TCF12: variants seen among roughly 807,000 people sequenced by gnomAD.
TCF12 encodes the protein transcription factor 12.
Under a neutral mutation model 86.0 loss-of-function variants are expected in TCF12, and 45 were observed. That is an observed-to-expected ratio of 0.52 (90% CI 0.41 to 0.67). TCF12 has a LOEUF of 0.67. Ranked by LOEUF, TCF12 falls within the 30% of genes least tolerant of loss-of-function variation. The pLI, the probability that TCF12 is intolerant of heterozygous loss-of-function variation, is 0.00. For synonymous variants in TCF12, 330 were observed against 299.6 expected, an observed-to-expected ratio of 1.10 and a Z score of -1.05; for missense variants, 881 against 859.9, an observed-to-expected ratio of 1.02 and a Z score of -0.31.
chr15:57,189,678 G>C (rs2056878983), intron 6 of TCF12, among the ~76,000 whole-genome samples: 1 of 152,170 alleles, frequency 6.6e-6, no homozygotes, highest in South Asian at 2.1e-4. Context: ...CAGTTTGGCA[G>C]TTCCTCAAAA....
At chr15:57,158,006 C>T (rs2054234413) in intron 5 of TCF12, among the ~76,000 whole-genome samples, 1 of 151,598 alleles carries the variant, frequency 6.6e-6, no homozygotes, top group Non-Finnish European at 1.5e-5. Flanking sequence ...TCTGGCCATT[C>T]TAATGATGGA....
intron 17 of TCF12, 122 bp from the exon 18 acceptor site, chr15:57,262,990 C>T: frequency 1.0e-6 from 1 of 981,256 alleles, no homozygotes; most frequent in African/African-American, 1.7e-5. Flanking sequence ...CATCTTCAAA[C>T]CTCCATCATA....
intron 3 of TCF12, among the ~76,000 whole-genome samples, chr15:56,976,823 A>C (rs1276295636): frequency 6.6e-6 from 1 of 152,230 alleles, no homozygotes; most frequent in African/African-American, 2.4e-5. Context: ...CTTTGCTGTT[A>C]GTAGCAAGAA....
rs760450939 is a variant in TCF12, at chr15:57,287,922, A to C, written c.*1777A>C. The C allele has an allele frequency of 6.6e-6, 1 of 152,662 alleles. No individual in the cohort carries two copies. Among genetic ancestry groups the C allele is most frequent in the African/African-American group, 2.4e-5 (1 of 41,466 alleles). The allele number at this position is 152,662 out of a possible 1,614,324, so 9.5% of individuals were successfully genotyped here. ...TGTTGCTTATGATGTGTGAGTGAAC[A>C]TATGCCACTGCCTGGCCTTTTTTTC... is the stretch of plus-strand genomic sequence containing the variant. On this transcript the variant is annotated 3_prime_UTR_variant, in exon 21 of 21. Coordinates refer to ENST00000333725, the MANE Select transcript of TCF12 (RefSeq NM_207037.2).
At chr15:56,956,223 T>C (rs1284198445) in intron 3 of TCF12, among the ~76,000 whole-genome samples, 1 of 151,986 alleles carries the variant, frequency 6.6e-6, no homozygotes, top group Non-Finnish European at 1.5e-5. Context: ...ATTATTGATA[T>C]GACTGTGTTT....
At chr15:56,970,385 C>T (rs965386678) in intron 3 of TCF12, among the ~76,000 whole-genome samples, 2 of 146,856 alleles carry the variant, frequency 1.4e-5, no homozygotes, top group Admixed American at 1.4e-4. Flanking sequence ...GAGGTTGATG[C>T]AGGAGAATTG....
chr15:57,044,283 C>T (rs1340196719), intron 3 of TCF12, among the ~76,000 whole-genome samples: 14 of 152,004 alleles, frequency 9.2e-5, no homozygotes, highest in Admixed American at 8.5e-4. Context: ...ATTTACCAGC[C>T]GGGCACAGTG....
intron 8 of TCF12, among the ~76,000 whole-genome samples, chr15:57,198,517 T>C (rs1353419668): frequency 1.3e-5 from 2 of 152,194 alleles, no homozygotes; most frequent in Non-Finnish European, 2.9e-5. Flanking sequence ...AATCTAATAC[T>C]GTAGGGGCGA....
rs180895892 is a variant in TCF12 at position 57,135,886 on chromosome 15, C to A, written c.326-30516C>A. Among the ~76,000 whole-genome samples, 11 of 151,206 alleles carry A rather than the reference C, an allele frequency of 7.3e-5. No individual in the cohort carries two copies. In the East Asian group the frequency reaches 2.1e-3, roughly 29 times the overall value. On this transcript the variant is annotated intron_variant, in intron 5 of 20. Coordinates refer to ENST00000333725, the MANE Select transcript of TCF12 (RefSeq NM_207037.2). ...TGCTTAAATACATTGTTGTTAAGAA[C>A]TGACATCTATTCTAGCTGTGTTAGA...
Position 57,273,009 on chromosome 15 carries a change from T to C in TCF12, c.1746-21T>C, listed in dbSNP as rs769089533. ...ACTTTATAGGAAACCTAATAGACCT[T>C]GTTGTTACTTTATTTTCTAGCAGTA... On this transcript the variant is annotated intron_variant, in intron 18 of 20. Transcript: ENST00000333725. 3 of 1,608,642 alleles carry C rather than the reference T, an allele frequency of 1.9e-6. 1 individual carries two copies. The highest frequency in any genetic ancestry group is 1.7e-5 in the Admixed American group (1 of 59,774).
chr15:57,277,502 G>T (rs762719120), intron 19 of TCF12, among the ~76,000 whole-genome samples: 1 of 151,632 alleles, frequency 6.6e-6, no homozygotes, highest in Non-Finnish European at 1.5e-5. Flanking sequence ...GGTGGCGTGC[G>T]CAAGTAGTCC....
chr15:57,192,346 C>T (rs2151711884), intron 7 of TCF12, 53 bp downstream of exon 7: 1 of 1,593,996 alleles, frequency 6.3e-7, no homozygotes, highest in Non-Finnish European at 8.6e-7. Context: ...GTTGTTTTTT[C>T]CTCCCATAAT....
At chr15:57,047,267 T>A (rs1354937683) in intron 3 of TCF12, among the ~76,000 whole-genome samples, 2 of 152,246 alleles carry the variant, frequency 1.3e-5, no homozygotes, top group African/African-American at 4.8e-5. Flanking sequence ...CAAGTTACTT[T>A]ATCATAGATG....
intron 6 of TCF12, among the ~76,000 whole-genome samples, chr15:57,171,126 G>A (rs1452103100): frequency 6.6e-6 from 1 of 151,622 alleles, no homozygotes; most frequent in Non-Finnish European, 1.5e-5. Context: ...GAGAGATCAG[G>A]AAGGCCTATG....
rs372419363 is a variant in TCF12 at position 57,124,468 on chromosome 15, G to C, written c.325+32577G>C. Among the ~76,000 whole-genome samples the C allele has an allele frequency of 3.3e-5, 5 of 152,006 alleles. No individual in the cohort carries two copies. The East Asian group carries it at 9.7e-4, about 29-fold the overall frequency. On this transcript the variant is annotated intron_variant, in intron 5 of 20. Coordinates refer to ENST00000333725, the MANE Select transcript of TCF12 (RefSeq NM_207037.2). ...GACTTCACCTTGGCCAGCATGATGG[G>C]GGCCTTCTTCATGGATCCGATTGAA... is the stretch of plus-strand genomic sequence containing the variant.
At chr15:57,079,488 A>G (rs542974471) in intron 4 of TCF12, among the ~76,000 whole-genome samples, 3 of 152,174 alleles carry the variant, frequency 2.0e-5, no homozygotes, top group Non-Finnish European at 4.4e-5. Context: ...ATGGAGTGGA[A>G]CAGTACTTTT....
rs149630235 is a variant in TCF12 at position 57,235,245 on chromosome 15, G to A, written c.1035+1138G>A. Among the ~76,000 whole-genome samples, 413 of 152,212 alleles carry A rather than the reference G, an allele frequency of 2.7e-3. 2 individuals are homozygous for A. The highest frequency in any genetic ancestry group is 8.9e-3 in the African/African-American group (369 of 41,512). On this transcript the variant is annotated intron_variant, in intron 12 of 20. Transcript: ENST00000333725. ...AATATTTCAGCTATAATTTGAATGC[G>A]CACCTATACTGAGCATTTACATGCC...
chr15:57,044,274 T>TG (rs2067083093), intron 3 of TCF12, among the ~76,000 whole-genome samples: 1 of 152,184 alleles, frequency 6.6e-6, no homozygotes, highest in East Asian at 1.9e-4. Flanking sequence ...TGTTTAAGAA[T>TG]TTACCAGCCG....
chr15:57,154,457 A>C (rs2053979626), intron 5 of TCF12, among the ~76,000 whole-genome samples: 2 of 152,210 alleles, frequency 1.3e-5, no homozygotes, highest in South Asian at 4.1e-4. Flanking sequence ...GGGAACAAGG[A>C]ATAGGCAGGC....
Sources: allele counts gnomAD v4.1 joint callset (sites outside exome capture counted in the v4.1 genomes callset), GRCh38; gene constraint gnomAD v4.1.1; transcripts MANE v1.5; gene names NCBI Gene and HGNC (gene_info 2026-07-23, HGNC 2026-07-21).